The following CLEC16A variants were observed in gnomAD, a reference collection of about 807,000 sequenced individuals.
CLEC16A encodes the protein C-type lectin domain containing 16A.
CLEC16A carries 51 observed loss-of-function variants against 109.5 expected under a neutral mutation model. That is an observed-to-expected ratio of 0.47 (90% CI 0.37 to 0.59). The LOEUF (loss-of-function observed/expected upper bound fraction) is 0.59, where lower values mean the gene tolerates loss of function less well. Among genes scored for constraint, CLEC16A ranks in the 20% least tolerant of loss-of-function variants. The probability of loss-of-function intolerance (pLI) is 0.00; values close to 1 mark genes in which losing one functional copy is unlikely to be tolerated. For missense variants in CLEC16A, 1,339 were observed against 1,394.0 expected (o/e 0.96, Z 0.63); for synonymous variants, 673 against 564.2 (o/e 1.19, Z -2.73).
At chr16:11,029,531 C>A (rs760277590) in intron 13 of CLEC16A, among the ~76,000 whole-genome samples, 1 of 150,598 alleles carries the variant, frequency 6.6e-6, no homozygotes, top group Non-Finnish European at 1.5e-5. Flanking sequence ...CGGATACTCT[C>A]ACTGGACAGC....
chr16:11,055,767 G>A (rs981667727), intron 18 of CLEC16A, among the ~76,000 whole-genome samples: 1 of 151,254 alleles, frequency 6.6e-6, no homozygotes, highest in African/African-American at 2.4e-5. Flanking sequence ...TGTATTTTTA[G>A]TAGAGACTGG....
intron 10 of CLEC16A, among the ~76,000 whole-genome samples, chr16:10,991,423 CAAAAAAAAAAAAAA>C (rs756161193): frequency 1.6e-5 from 1 of 63,340 alleles, no homozygotes; most frequent in Non-Finnish European, 3.7e-5. Flanking sequence ...GACTCCGTCT[CAAAAAAAAAAAAAA>C]AAAAAAAAAA....
At chr16:11,090,279 C>T (rs1394625402) in intron 19 of CLEC16A, among the ~76,000 whole-genome samples, 1 of 152,090 alleles carries the variant, frequency 6.6e-6, no homozygotes, top group Admixed American at 6.5e-5. Flanking sequence ...TGGTCTCGAA[C>T]TCTGGACCTC....
intron 19 of CLEC16A, among the ~76,000 whole-genome samples, chr16:11,115,145 C>T (rs776131141): frequency 2.6e-5 from 4 of 152,072 alleles, no homozygotes; most frequent in Non-Finnish European, 5.9e-5. Context: ...TTGACACTGA[C>T]GTGTATGACT....
intron 22 of CLEC16A, among the ~76,000 whole-genome samples, chr16:11,161,805 A>G (rs770683222): frequency 6.6e-6 from 1 of 152,206 alleles, no homozygotes; most frequent in Non-Finnish European, 1.5e-5. Context: ...GTCTGTGTGT[A>G]AAAGCTCCCA....
rs201070474 is a variant in CLEC16A at position 11,125,963 on chromosome 16, T to C, written c.2474-16T>C. 5.2e-6 allele frequency: 7 copies of C among 1,359,118 alleles called. No individual in the cohort carries two copies. The highest frequency in any genetic ancestry group is 6.8e-6 in the Non-Finnish European group (7 of 1,026,792). 84.2% of individuals were successfully genotyped at this position (1,359,118 alleles called of 1,614,324 possible). A position where few individuals can be genotyped will look rare whatever the true frequency, so the allele number is the denominator to read the frequency against. ...CCCACATGCTCAGAGTGAACCATGC[T>C]ATTGTTTGACCGTAGCCCTCCTGGA... On this transcript the variant is annotated splice_polypyrimidine_tract_variant and intron_variant, in intron 21 of 23. Coordinates refer to ENST00000409790, the MANE Select transcript of CLEC16A (RefSeq NM_015226.3).
intron 10 of CLEC16A, among the ~76,000 whole-genome samples, chr16:10,989,125 G>GC (rs1400033897): frequency 6.6e-6 from 1 of 152,220 alleles, no homozygotes; most frequent in Non-Finnish European, 1.5e-5. Flanking sequence ...GGTAGGTGAA[G>GC]CCCTCTGTGT....
In CLEC16A at chr16:11,144,824, G is replaced by A. The variant is rs543330438; in HGVS notation, c.2641+18678G>A. On this transcript the variant is annotated intron_variant, in intron 22 of 23. Coordinates refer to ENST00000409790, the MANE Select transcript of CLEC16A (RefSeq NM_015226.3). ...GGAGTGGGATGTTTTGTGCGCTGGG[G>A]CCAGTTTCAGGAGAGGCCAATTCCA... Among the ~76,000 whole-genome samples the A allele has an allele frequency of 7.2e-5, 11 of 152,270 alleles. No individual in the cohort carries two copies. In the South Asian group the frequency reaches 2.3e-3, roughly 32 times the overall value.
At chr16:11,025,454 AG>A (rs1339124489) in intron 13 of CLEC16A, among the ~76,000 whole-genome samples, 3 of 152,142 alleles carry the variant, frequency 2.0e-5, no homozygotes, top group African/African-American at 7.2e-5. Context: ...TGGGGTTGAC[AG>A]GTTTTGTTGG....
chr16:11,135,501 G>A (rs1248594992), intron 22 of CLEC16A, among the ~76,000 whole-genome samples: 1 of 152,216 alleles, frequency 6.6e-6, no homozygotes, highest in Non-Finnish European at 1.5e-5. Context: ...ATGCTTTTCT[G>A]GGAGGTGGAG....
intron 22 of CLEC16A, among the ~76,000 whole-genome samples, chr16:11,142,704 G>A (rs1318644723): frequency 6.6e-6 from 1 of 152,236 alleles, no homozygotes; most frequent in Non-Finnish European, 1.5e-5. Flanking sequence ...AAGCCCTTCA[G>A]TGATGTGAGT....
chr16:10,978,827 C>CTGA (rs1316282382), intron 8 of CLEC16A, among the ~76,000 whole-genome samples: 2 of 152,174 alleles, frequency 1.3e-5, no homozygotes, highest in Non-Finnish European at 2.9e-5. Context: ...AACCTGAGCC[C>CTGA]GTTTCTTCGG....
At chr16:11,008,651 C>G (rs72770087) in intron 11 of CLEC16A, among the ~76,000 whole-genome samples, 2,045 of 151,500 alleles carry the variant, frequency 0.013, 17 homozygotes, top group Non-Finnish European at 0.023. Context: ...ATACGTATAA[C>G]AAAATTTACC....
intron 16 of CLEC16A, among the ~76,000 whole-genome samples, chr16:11,044,773 A>T (rs564989181): frequency 2.0e-5 from 3 of 152,250 alleles, no homozygotes; most frequent in African/African-American, 7.2e-5. Context: ...TCTACTAAAA[A>T]TACAAAATTA....
chr16:11,154,516 T>C (rs143981193), intron 22 of CLEC16A, among the ~76,000 whole-genome samples: 40 of 152,334 alleles, frequency 2.6e-4, no homozygotes, highest in African/African-American at 9.1e-4. Context: ...TCCTAAAATC[T>C]TCAGTCATAA....
chr16:11,000,668 T>C (rs1229033706), intron 10 of CLEC16A, among the ~76,000 whole-genome samples: 1 of 152,220 alleles, frequency 6.6e-6, no homozygotes, highest in African/African-American at 2.4e-5. Flanking sequence ...TGTAATACGC[T>C]ATCTGGGTTT....
intron 23 of CLEC16A, among the ~76,000 whole-genome samples, chr16:11,169,779 A>G (rs1273991869): frequency 6.6e-6 from 1 of 152,150 alleles, no homozygotes; most frequent in African/African-American, 2.4e-5. Context: ...TGGCCCAGGC[A>G]CCCACCAATC....
chr16:11,161,369 A>G (rs546484583), intron 22 of CLEC16A, among the ~76,000 whole-genome samples: 1 of 152,254 alleles, frequency 6.6e-6, no homozygotes, highest in Non-Finnish European at 1.5e-5. Context: ...TGCGTGAGCC[A>G]TGAAGAATGG....
At chr16:10,958,246 G>T (rs779531220) in intron 2 of CLEC16A, among the ~76,000 whole-genome samples, 5 of 152,164 alleles carry the variant, frequency 3.3e-5, no homozygotes, top group Non-Finnish European at 7.3e-5. Context: ...CCTGTGCCCT[G>T]GGGGAGTCCC....
Sources: allele counts gnomAD v4.1 joint callset (sites outside exome capture counted in the v4.1 genomes callset), GRCh38; gene constraint gnomAD v4.1.1; transcripts MANE v1.5; gene names NCBI Gene and HGNC (gene_info 2026-07-23, HGNC 2026-07-21).